The following CELF4 variants were observed in gnomAD, a reference collection of about 807,000 sequenced individuals.
CELF4 encodes CUG-BP- and ETR-3-like factor 4.
CELF4 carries 18 observed loss-of-function variants against 59.9 expected under a neutral mutation model. The ratio of observed to expected loss-of-function variants is 0.30; its 90% CI spans 0.21 to 0.45. CELF4 has a LOEUF of 0.45. Among genes scored for constraint, CELF4 ranks in the 20% least tolerant of loss-of-function variants. CELF4 has a pLI of 1.00. For synonymous variants in CELF4, 261 were observed against 267.1 expected (o/e 0.98, Z 0.22); for missense variants, 456 against 689.0 (o/e 0.66, Z 3.79).
chr18:37,414,474 C>G (rs1326216217), intron 2 of CELF4, among the ~76,000 whole-genome samples: 1 of 151,052 alleles, frequency 6.6e-6, no homozygotes, highest in Non-Finnish European at 1.5e-5. Flanking sequence ...ATCCATCTAC[C>G]CATCTACTCA....
intron 2 of CELF4, among the ~76,000 whole-genome samples, chr18:37,329,601 T>C (rs988690938): frequency 6.6e-6 from 1 of 152,212 alleles, no homozygotes; most frequent in African/African-American, 2.4e-5. Flanking sequence ...TGACCAACCC[T>C]GATCCCCTTA....
intron 2 of CELF4, among the ~76,000 whole-genome samples, chr18:37,375,103 A>C (rs114861812): frequency 0.017 from 2,548 of 152,220 alleles, 87 homozygotes; most frequent in African/African-American, 0.059. Context: ...AGGCAGGGGA[A>C]GCTGTGTCTA....
At chr18:37,271,657 G>T (rs2091349097) in intron 7 of CELF4, among the ~76,000 whole-genome samples, 2 of 152,184 alleles carry the variant, frequency 1.3e-5, no homozygotes, top group Non-Finnish European at 2.9e-5. Context: ...CCAGGAGGAA[G>T]TTTTTCTGCT....
intron 3 of CELF4, among the ~76,000 whole-genome samples, chr18:37,302,787 G>T (rs982641683): frequency 4.6e-5 from 7 of 152,192 alleles, no homozygotes; most frequent in African/African-American, 1.7e-4. Context: ...CTTTCAGGAG[G>T]CAGAGGGTGG....
At chr18:37,437,797 G>C (rs1188799156) in intron 2 of CELF4, among the ~76,000 whole-genome samples, 2 of 152,320 alleles carry the variant, frequency 1.3e-5, no homozygotes, top group South Asian at 4.1e-4. Context: ...CATCAGCACT[G>C]GGAGCTGTGG....
chr18:37,446,370 C>T (rs1434142574), intron 2 of CELF4, among the ~76,000 whole-genome samples: 3 of 152,108 alleles, frequency 2.0e-5, no homozygotes, highest in Non-Finnish European at 4.4e-5. Flanking sequence ...ACCAATGCAG[C>T]CCCCCAGGGT....
intron 2 of CELF4, among the ~76,000 whole-genome samples, chr18:37,464,306 C>G (rs924054695): frequency 6.6e-6 from 1 of 151,864 alleles, no homozygotes; most frequent in Non-Finnish European, 1.5e-5. Flanking sequence ...AAATGTAGAT[C>G]GCATCTGTAC....
At chr18:37,255,208 C>A (rs2068468189) in intron 11 of CELF4, among the ~76,000 whole-genome samples, 1 of 152,050 alleles carries the variant, frequency 6.6e-6, no homozygotes, top group Admixed American at 6.6e-5. Flanking sequence ...GACAGAGATG[C>A]ACAGCCACCC....
chr18:37,264,027 C>T (rs938406095), intron 10 of CELF4, among the ~76,000 whole-genome samples: 1 of 152,188 alleles, frequency 6.6e-6, no homozygotes, highest in African/African-American at 2.4e-5. Flanking sequence ...ACCCTCTCAG[C>T]CTGGTTACCA....
intron 1 of CELF4, among the ~76,000 whole-genome samples, chr18:37,515,210 C>A (rs571258252): frequency 6.6e-6 from 1 of 152,142 alleles, no homozygotes; most frequent in African/African-American, 2.4e-5. Context: ...CCTTAAGGAG[C>A]CTGGAGGAGG....
intron 2 of CELF4, among the ~76,000 whole-genome samples, chr18:37,450,537 G>A (rs567938108): frequency 1.3e-5 from 2 of 151,670 alleles, no homozygotes; most frequent in South Asian, 4.2e-4. Flanking sequence ...CCTTATTCAA[G>A]GCAGATAAAG....
At chr18:37,263,759 C>T (rs1362772850) in intron 10 of CELF4, among the ~76,000 whole-genome samples, 2 of 152,076 alleles carry the variant, frequency 1.3e-5, no homozygotes, top group African/African-American at 4.8e-5. Context: ...CCAGGATCAC[C>T]CCCTTCTTCC....
intron 2 of CELF4, among the ~76,000 whole-genome samples, chr18:37,404,230 C>T (rs2099359474): frequency 6.6e-6 from 1 of 152,214 alleles, no homozygotes; most frequent in South Asian, 2.1e-4. Context: ...CATCCCCCAA[C>T]CCCTGAAGCT....
intron 1 of CELF4, among the ~76,000 whole-genome samples, chr18:37,495,923 T>C (rs1054193103): frequency 1.3e-5 from 2 of 152,128 alleles, no homozygotes; most frequent in African/African-American, 4.8e-5. Context: ...GAATAGATCA[T>C]AACAGCAAGG....
chr18:37,303,529 T>C (rs4799913), intron 3 of CELF4, among the ~76,000 whole-genome samples: 110,941 of 152,086 alleles, frequency 0.73, 40,559 homozygotes, highest in Middle Eastern at 0.8. Flanking sequence ...TCAGACCAAA[T>C]GAGAATCGGG....
chr18:37,260,875 G>C (rs1417753692), intron 10 of CELF4, among the ~76,000 whole-genome samples: 1 of 151,846 alleles, frequency 6.6e-6, no homozygotes, highest in Non-Finnish European at 1.5e-5. Flanking sequence ...CTGGCTCCCA[G>C]GCATCCTGCT....
chr18:37,271,188 C>T (rs1004401558), intron 7 of CELF4, among the ~76,000 whole-genome samples: 1 of 151,918 alleles, frequency 6.6e-6, no homozygotes, highest in Non-Finnish European at 1.5e-5. Flanking sequence ...GATGGCTTGT[C>T]CTTAGACAGC....
At chr18:37,534,088 C>T (rs2099971590) in intron 1 of CELF4, among the ~76,000 whole-genome samples, 1 of 152,208 alleles carries the variant, frequency 6.6e-6, no homozygotes, top group African/African-American at 2.4e-5. Flanking sequence ...TGACAGGCTC[C>T]TGGGTATTGG....
At chr18:37,547,160 G>GTGTGTGTGTGTGTGTGTGTGT (rs61235122) in intron 1 of CELF4, among the ~76,000 whole-genome samples, 13 of 144,168 alleles carry the variant, frequency 9.0e-5, no homozygotes, top group African/African-American at 3.3e-4. Context: ...GTGTGTGTGT[G>GTGTGTGTGTGTGTGTGTGTGT]GTGTGTGTGT....
Sources: allele counts gnomAD v4.1 joint callset (sites outside exome capture counted in the v4.1 genomes callset), GRCh38; gene constraint gnomAD v4.1.1; transcripts MANE v1.5; gene names NCBI Gene and HGNC (gene_info 2026-07-23, HGNC 2026-07-21).